The following DNAH8 variants were observed in gnomAD, a reference collection of about 807,000 sequenced individuals.
DNAH8 encodes the protein axonemal beta dynein heavy chain 8.
Under a neutral mutation model 562.1 loss-of-function variants are expected in DNAH8, and 382 were observed. The ratio of observed to expected loss-of-function variants is 0.68; its 90% CI spans 0.63 to 0.74. The LOEUF is 0.74. Among genes scored for constraint, DNAH8 ranks in the 30% least tolerant of loss-of-function variants. The pLI, the probability that DNAH8 is intolerant of heterozygous loss-of-function variation, is 0.00. For missense variants in DNAH8, 5,203 were observed against 5,620.4 expected (o/e 0.93, Z 2.37); for synonymous variants, 1,881 against 1,919.4 (o/e 0.98, Z 0.52).
chr6:38,807,614 G>A lies in DNAH8; in HGVS notation c.3155G>A (p.Cys1052Tyr), dbSNP rs373886534. 3 of 1,521,522 alleles carry A rather than the reference G, an allele frequency of 2.0e-6. No homozygotes were observed. Among genetic ancestry groups the A allele is most frequent in the Non-Finnish European group, 2.6e-6 (3 of 1,134,490 alleles). The allele number at this position is 1,521,522 out of a possible 1,614,324, so 94.3% of individuals were successfully genotyped here. Residue 1052 changes from cysteine (C) to tyrosine (Y), a missense_variant, in exon 24 of 93, where the codon TGT becomes TAT. Cys to Tyr is a radical substitution (Grantham distance 194). Around this residue, in one of 6 missense-constraint regions of DNAH8, gnomAD observed 2,176 missense variants for 2,365.1 expected, o/e 0.92. Coordinates refer to ENST00000327475, the MANE Select transcript of DNAH8 (RefSeq NM_001206927.2). Reference protein sequence around the residue: ...HDKEDEFKKECKEVFAFFSHQ... With the variant: ...HDKEDEFKKEYKEVFAFFSHQ... The stretch of plus-strand genomic sequence containing the variant: ...TAATCTGATTTCTTATTACAGGAGT[G>A]TAAAGAGGTCTTTGCTTTTTTCTCT...
At chr6:38,846,147 G>GC (rs1339689363) in intron 36 of DNAH8, among the ~76,000 whole-genome samples, 6 of 151,986 alleles carry the variant, frequency 3.9e-5, no homozygotes, top group Non-Finnish European at 5.9e-5. Flanking sequence ...TCACCCAATG[G>GC]CCCGGGAAAA....
In DNAH8 at chr6:39,030,109, G is replaced by A. The variant is rs1307894494; in HGVS notation, c.13841G>A (p.Gly4614Asp). The change falls in exon 93 of 93, where the codon GGT (glycine) becomes GAT (aspartate). Residue 4614 changes from glycine (G) to aspartate (D), a missense_variant. Gly to Asp is a moderately conservative substitution (Grantham distance 94). Coordinates refer to ENST00000327475, the MANE Select transcript of DNAH8 (RefSeq NM_001206927.2). ...CCTTATGCTTGACTCTTCCAGGAAG[G>A]TGTGTATATTTATGGGCTCTACATG... is the stretch of plus-strand genomic sequence containing the variant. ...KEEITSPPGE[G>D]VYIYGLYMDG... The A allele has an allele frequency of 6.2e-7, 1 of 1,611,886 alleles. No homozygotes were observed. Among genetic ancestry groups the A allele is most frequent in the South Asian group, 1.1e-5 (1 of 90,976 alleles).
rs1678691 is a variant in DNAH8 at position 38,814,258 on chromosome 6, T to C, written c.3333+129T>C. On this transcript the variant is annotated intron_variant, in intron 25 of 92. Transcript: ENST00000327475. ...CACTTTCCCTCACTATTTAACAAAT[T>C]GGAAATGTCATTTATATCTGTTATG... The C allele has an allele frequency of 0.43, 273,843 of 630,000 alleles. 63,041 individuals carry two copies. Among genetic ancestry groups the C allele is most frequent in the East Asian group, 0.77 (26,373 of 34,132 alleles). The allele number at this position is 630,000 out of a possible 1,614,324, so 39.0% of individuals were successfully genotyped here. A position where few individuals can be genotyped will look rare whatever the true frequency, so the allele number is the denominator to read the frequency against.
At position 38,761,717 on chromosome 6, in the gene DNAH8, G is replaced by A; in HGVS notation, c.1531G>A (p.Val511Ile). Residue 511 changes from valine to isoleucine, a missense_variant, in exon 11 of 93, where the codon GTA becomes ATA. Coordinates refer to ENST00000327475, the MANE Select transcript of DNAH8 (RefSeq NM_001206927.2). ...TTTATTTCAGGTAACAAATCAAATG[G>A]TAACAGCATGTAAAGCATATATTAC... ...SLFIKVTNQM[V>I]TACKAYITDG... 1 of 1,527,960 alleles carries A rather than the reference G, an allele frequency of 6.5e-7. No individual in the cohort carries two copies. Among genetic ancestry groups the A allele is most frequent in the Non-Finnish European group, 8.8e-7 (1 of 1,139,024 alleles). The allele number at this position is 1,527,960 out of a possible 1,614,324, so 94.7% of individuals were successfully genotyped here.
chr6:38,814,057 T>C lies in DNAH8; in HGVS notation c.3261T>C (p.Leu1087=). 1 of 1,588,780 alleles carries C rather than the reference T, an allele frequency of 6.3e-7. No homozygotes were observed. Among genetic ancestry groups the C allele is most frequent in the Non-Finnish European group, 8.6e-7 (1 of 1,159,524 alleles). The change falls in exon 25 of 93, where the codon CTT becomes CTC. Residue 1087 remains leucine (L), a synonymous_variant. Coordinates refer to ENST00000327475, the MANE Select transcript of DNAH8 (RefSeq NM_001206927.2). ...CTAAATGTCCATCTCATTGCAGCCT[T>C]TATGGGCGAAAGCAGTCAGAAGATA... is the stretch of plus-strand genomic sequence containing the variant. ...TMKRRIFVAS[L]YGRKQSEDII... is the part of the protein sequence containing the mutation.
chr6:38,937,428 T>C (rs1365089652), intron 77 of DNAH8, among the ~76,000 whole-genome samples: 1 of 152,168 alleles, frequency 6.6e-6, no homozygotes, highest in Non-Finnish European at 1.5e-5. Flanking sequence ...ATTTTCACTA[T>C]ACCCAATTTG....
At chr6:38,815,788 C>T (rs776844890) in intron 26 of DNAH8, 131 bp downstream of exon 26, 52 of 858,186 alleles carry the variant, frequency 6.1e-5, no homozygotes, top group Non-Finnish European at 6.6e-5. Flanking sequence ...TTAAACATAA[C>T]GTGCAGGCAT....
intron 42 of DNAH8, 21 bp downstream of exon 42, chr6:38,857,763 A>G (rs1211938177): frequency 6.8e-7 from 1 of 1,468,630 alleles, no homozygotes; most frequent in East Asian, 2.3e-5. Flanking sequence ...TTTTTTTTTA[A>G]TTTAGTGTAC....
chr6:38,718,846 G>A lies in DNAH8; in HGVS notation c.-35+3431G>A, dbSNP rs141368138. 8.8e-4 allele frequency among the ~76,000 whole-genome samples: 134 copies of A among 152,168 alleles called. No homozygotes were observed. The East Asian group carries it at 0.014, about 16-fold the overall frequency. The stretch of plus-strand genomic sequence containing the variant: ...GGAAGAATGAATATGATATGATGTC[G>A]TTCTAAACTTTTTTTCCCAACCAAA... On this transcript the variant is annotated intron_variant, in intron 1 of 92. Coordinates refer to ENST00000327475, the MANE Select transcript of DNAH8 (RefSeq NM_001206927.2).
intron 82 of DNAH8, among the ~76,000 whole-genome samples, chr6:38,954,970 T>G (rs528573142): frequency 6.6e-6 from 1 of 152,190 alleles, no homozygotes; most frequent in Non-Finnish European, 1.5e-5. Flanking sequence ...AGAGAATACA[T>G]TTTCCTTTTT....
intron 25 of DNAH8, 82 bp from the exon 26 acceptor site, chr6:38,815,386 C>T (rs943822255): frequency 9.0e-5 from 102 of 1,128,470 alleles, no homozygotes; most frequent in Non-Finnish European, 1.3e-4. Context: ...TTGCCCCACT[C>T]AGTGGGGAAT....
rs1583471699 is a variant in DNAH8, at chr6:38,967,382, T to C, written c.12452-4210T>C. ...GTGACATGAATTTGTGCATAAAAAA[T>C]TATAAGTTGTTTACCAAAAAACAAT... On this transcript the variant is annotated intron_variant, in intron 82 of 92. Transcript: ENST00000327475. Among the ~76,000 whole-genome samples, 6 of 151,590 alleles carry C rather than the reference T, an allele frequency of 4.0e-5. No homozygotes were observed. In the South Asian group the frequency reaches 1.2e-3, roughly 32 times the overall value.
chr6:38,899,458 A>G (rs996931873), intron 61 of DNAH8, among the ~76,000 whole-genome samples: 2 of 152,244 alleles, frequency 1.3e-5, no homozygotes, highest in Non-Finnish European at 2.9e-5. Flanking sequence ...CAGCTCCACT[A>G]TCCATTGGGT....
chr6:38,743,007 C>CTTTTT (rs11340457), intron 8 of DNAH8, among the ~76,000 whole-genome samples: 17 of 52,004 alleles, frequency 3.3e-4, no homozygotes, highest in African/African-American at 1.3e-3. Flanking sequence ...TGTTGTTGTG[C>CTTTTT]TTTTTTTTTT....
chr6:39,005,152 C>G (rs553289354), intron 88 of DNAH8, among the ~76,000 whole-genome samples: 2 of 152,302 alleles, frequency 1.3e-5, no homozygotes, highest in Non-Finnish European at 2.9e-5. Context: ...CAGCTCATGC[C>G]TGTAATCCCA....
At chr6:38,791,888 C>G (rs1389312505) in intron 21 of DNAH8, among the ~76,000 whole-genome samples, 1 of 152,154 alleles carries the variant, frequency 6.6e-6, no homozygotes, top group East Asian at 1.9e-4. Flanking sequence ...TATCCTCAGC[C>G]TAATGCTGGC....
At chr6:38,818,444 T>C (rs994653443) in intron 26 of DNAH8, among the ~76,000 whole-genome samples, 1 of 150,904 alleles carries the variant, frequency 6.6e-6, no homozygotes, top group African/African-American at 2.4e-5. Flanking sequence ...TTTTCAGACA[T>C]GCAGTGTCTT....
chr6:38,964,847 A>C (rs940022018), intron 82 of DNAH8, among the ~76,000 whole-genome samples: 1 of 152,112 alleles, frequency 6.6e-6, no homozygotes, highest in African/African-American at 2.4e-5. Flanking sequence ...GGATCATTTG[A>C]GGTCAGGAGT....
At chr6:38,781,184 T>C (rs553828954) in intron 15 of DNAH8, 70 bp from the exon 16 acceptor site, 2 of 1,509,124 alleles carry the variant, frequency 1.3e-6, no homozygotes, top group East Asian at 2.3e-5. Flanking sequence ...AATACAAATA[T>C]AGCTGTATAT....
Sources: gnomAD v4.1 joint callset for allele counts (sites outside exome capture counted in the v4.1 genomes callset) on GRCh38, gnomAD v4.1.1 for gene constraint, gnomAD v4.1.1 regional missense constraint, MANE v1.5 for transcripts, NCBI Gene and HGNC (gene_info 2026-07-23, HGNC 2026-07-21) for gene names.